NEDD9: variants seen among roughly 807,000 people sequenced by gnomAD.
NEDD9 encodes enhancer of filamentation 1.
NEDD9 carries 26 observed loss-of-function variants against 76.6 expected under a neutral mutation model. The ratio of observed to expected loss-of-function variants is 0.34; its 90% CI spans 0.25 to 0.47. The LOEUF (loss-of-function observed/expected upper bound fraction) is 0.47. Ranked by LOEUF, NEDD9 falls within the 20% of genes least tolerant of loss-of-function variation. NEDD9 has a pLI of 1.00. For synonymous variants in NEDD9, 392 were observed against 414.2 expected (o/e 0.95, Z 0.65); for missense variants, 937 against 1,058.5 (o/e 0.89, Z 1.59).
At chr6:11,308,361 CTTTTTTTTTT>C (rs933892327) in intron 2 of NEDD9, among the ~76,000 whole-genome samples, 58 of 87,862 alleles carry the variant, frequency 6.6e-4, no homozygotes, top group African/African-American at 2.3e-3. Context: ...GATGGGACAT[CTTTTTTTTTT>C]TTTTTTTTTT....
chr6:11,194,754 C>T (rs914417303), intron 2 of NEDD9, among the ~76,000 whole-genome samples: 1 of 152,240 alleles, frequency 6.6e-6, no homozygotes, highest in Non-Finnish European at 1.5e-5. Context: ...ATGCTGGCAT[C>T]TGGAACCAGT....
At chr6:11,231,636 C>T (rs1759470306) in intron 1 of NEDD9, among the ~76,000 whole-genome samples, 1 of 152,006 alleles carries the variant, frequency 6.6e-6, no homozygotes, top group Non-Finnish European at 1.5e-5. Context: ...AATTCATGTC[C>T]AATTCATTGC....
chr6:11,340,153 C>T (rs9468876), intron 1 of NEDD9, among the ~76,000 whole-genome samples: 4,367 of 152,270 alleles, frequency 0.029, 191 homozygotes, highest in African/African-American at 0.099. Flanking sequence ...GAATGAATAA[C>T]GCCTCAGCCT....
At chr6:11,365,766 G>C (rs1561848763) in intron 1 of NEDD9, among the ~76,000 whole-genome samples, 1 of 152,146 alleles carries the variant, frequency 6.6e-6, no homozygotes, top group Non-Finnish European at 1.5e-5. Flanking sequence ...GAGGTGGGCG[G>C]ATCACTTTGA....
chr6:11,319,645 TCA>T (rs1017630161), intron 2 of NEDD9, among the ~76,000 whole-genome samples: 2 of 126,202 alleles, frequency 1.6e-5, no homozygotes, highest in African/African-American at 3.1e-5. Context: ...ACATGCACAC[TCA>T]CACATGCCAC....
At chr6:11,374,360 G>T (rs1762937055) in intron 1 of NEDD9, among the ~76,000 whole-genome samples, 1 of 152,170 alleles carries the variant, frequency 6.6e-6, no homozygotes, top group African/African-American at 2.4e-5. Flanking sequence ...TGAGGAACAG[G>T]TGCTGAGAGG....
rs1455463245 is a variant in NEDD9 at position 11,305,956 on chromosome 6, A to G, written c.12+36T>C. ...GGCTGAGCAAACTGGAAAAAGGGGA[A>G]TCACAAATTGTCTGTTTTTTTCTAT... On this transcript the variant is annotated intron_variant, in intron 3 of 3. Transcript: ENST00000397378. The G allele has an allele frequency of 3.7e-6, 6 of 1,612,538 alleles. No individual in the cohort carries two copies. In the African/African-American group the frequency reaches 8.0e-5, roughly 22 times the overall value.
At chr6:11,193,717 G>C (rs775850929) in intron 2 of NEDD9, 25 bp from the exon 3 acceptor site, 1 of 1,570,626 alleles carries the variant, frequency 6.4e-7, no homozygotes, top group African/African-American at 1.4e-5. Context: ...GCACAGAGGT[G>C]TAAATTTCCA....
chr6:11,246,681 C>A (rs1759819001), intron 3 of NEDD9, among the ~76,000 whole-genome samples: 1 of 152,204 alleles, frequency 6.6e-6, no homozygotes, highest in African/African-American at 2.4e-5. Flanking sequence ...CACTTCCCAC[C>A]CACAGAAAAC....
chr6:11,350,305 G>A (rs1157381759), intron 1 of NEDD9, among the ~76,000 whole-genome samples: 1 of 152,182 alleles, frequency 6.6e-6, no homozygotes, highest in Non-Finnish European at 1.5e-5. Context: ...CCGTGGTTTT[G>A]ACAATTGTCC....
At chr6:11,327,305 T>C (rs943758784) in intron 2 of NEDD9, among the ~76,000 whole-genome samples, 2 of 152,216 alleles carry the variant, frequency 1.3e-5, no homozygotes, top group African/African-American at 4.8e-5. Flanking sequence ...ATCAATTAGG[T>C]ACTGAGTGAT....
chr6:11,198,125 C>T lies in NEDD9; in HGVS notation c.460-4433G>A, dbSNP rs1758335401. On this transcript the variant is annotated intron_variant, in intron 2 of 6. Coordinates refer to ENST00000379446, the MANE Select transcript of NEDD9 (RefSeq NM_006403.4). This position sits in a 1 kb window ranked among gnomAD's most constrained non-coding sequence, Gnocchi z 4.7. The stretch of plus-strand genomic sequence containing the variant: ...TACCGAAAGAGGGAAGACATTGCGC[C>T]CTGTGTTGCCAGATCTTTCACGTTT... Among the ~76,000 whole-genome samples the T allele has an allele frequency of 6.6e-6, 1 of 152,136 alleles. No homozygotes were observed.
At chr6:11,256,553 C>T (rs1760008418) in intron 3 of NEDD9, among the ~76,000 whole-genome samples, 1 of 152,144 alleles carries the variant, frequency 6.6e-6, no homozygotes, top group African/African-American at 2.4e-5. Context: ...TGTGGACCTT[C>T]CGGCTCAAGT....
In NEDD9 at chr6:11,324,998, A is replaced by T. The variant is rs145602765; in HGVS notation, c.-153+9503T>A. Among the ~76,000 whole-genome samples, 3 of 152,378 alleles carry T rather than the reference A, an allele frequency of 2.0e-5. No homozygotes were observed. The East Asian group carries it at 5.8e-4, about 29-fold the overall frequency. On this transcript the variant is annotated intron_variant, in intron 2 of 3. Transcript: ENST00000397378. ...AAGAAATAGAAAGATAAGGCAACCC[A>T]TAGGCCTTTTTTAAATTCTTCCTTA...
chr6:11,279,521 T>G (rs1046732782), intron 3 of NEDD9, among the ~76,000 whole-genome samples: 8 of 152,242 alleles, frequency 5.3e-5, no homozygotes, highest in Admixed American at 6.5e-5. Flanking sequence ...TTGTTGGTTG[T>G]TCTTTTTGGA....
intron 2 of NEDD9, among the ~76,000 whole-genome samples, chr6:11,316,955 G>A (rs559976256): frequency 1.2e-4 from 19 of 152,274 alleles, no homozygotes; most frequent in Middle Eastern, 6.8e-3. Flanking sequence ...ATTTGAATGC[G>A]GCATGTTAAG....
intron 3 of NEDD9, among the ~76,000 whole-genome samples, chr6:11,272,385 A>G (rs142542478): frequency 6.6e-6 from 1 of 152,342 alleles, no homozygotes; most frequent in Admixed American, 6.5e-5. Flanking sequence ...AAAAAATTCA[A>G]ACAAAACAAA....
chr6:11,214,870 A>G (rs1758903139), intron 1 of NEDD9, among the ~76,000 whole-genome samples: 1 of 152,214 alleles, frequency 6.6e-6, no homozygotes, highest in Non-Finnish European at 1.5e-5. Context: ...CATTTATGGA[A>G]GAAAGGATTA....
intron 2 of NEDD9, among the ~76,000 whole-genome samples, chr6:11,328,233 G>A (rs1262944283): frequency 3.3e-5 from 5 of 152,236 alleles, no homozygotes; most frequent in African/African-American, 1.2e-4. Context: ...CTTGCATTCT[G>A]TGCCCTGTTG....
Sources: allele counts gnomAD v4.1 joint callset (sites outside exome capture counted in the v4.1 genomes callset), GRCh38; gene constraint gnomAD v4.1.1; non-coding constraint Gnocchi (gnomAD v3.1); transcripts MANE v1.5; gene names NCBI Gene and HGNC (gene_info 2026-07-23, HGNC 2026-07-21).